Variants in NBEA observed in about 807,000 individuals in gnomAD.
NBEA encodes the protein neurobeachin.
In NBEA, 44 loss-of-function variants were observed where a neutral mutation model predicts 343.4. The ratio of observed to expected loss-of-function variants is 0.13; its 90% CI spans 0.10 to 0.16. The LOEUF (loss-of-function observed/expected upper bound fraction) is 0.16, where lower values mean the gene tolerates loss of function less well. Among genes scored for constraint, NBEA ranks in the 10% least tolerant of loss-of-function variants. The pLI, the probability that NBEA is intolerant of heterozygous loss-of-function variation, is 1.00. For synonymous variants in NBEA, 1,175 were observed against 1,238.7 expected, an observed-to-expected ratio of 0.95 and a Z score of 1.08; for missense variants, 2,555 against 3,631.3, an observed-to-expected ratio of 0.70 and a Z score of 7.62.
intron 36 of NBEA, among the ~76,000 whole-genome samples, chr13:35,317,112 T>G (rs1395363828): frequency 1.3e-5 from 2 of 152,222 alleles, no homozygotes; most frequent in Non-Finnish European, 2.9e-5. Flanking sequence ...CTCATTAGTT[T>G]CCTTAGATCC....
chr13:35,211,818 T>A (rs1429730842), intron 33 of NBEA, among the ~76,000 whole-genome samples: 1 of 151,878 alleles, frequency 6.6e-6, no homozygotes, highest in Non-Finnish European at 1.5e-5. Flanking sequence ...AGACTGCATC[T>A]CAAATAAATA....
intron 5 of NBEA, 94 bp from the exon 6 acceptor site, chr13:35,050,175 A>G: frequency 1.7e-6 from 2 of 1,201,106 alleles, no homozygotes; most frequent in South Asian, 3.4e-5. Flanking sequence ...TGTACAGGGA[A>G]ATAAGTTTTA....
At position 35,211,159 on chromosome 13, in the gene NBEA, A is replaced by G; in HGVS notation, c.5628A>G (p.Glu1876=). The G allele has an allele frequency of 1.9e-6, 3 of 1,554,772 alleles. No individual in the cohort carries two copies. The highest frequency in any genetic ancestry group is 2.6e-6 in the Non-Finnish European group (3 of 1,148,042). ...TACAAACTGTTGCTCCAATGCCAGA[A>G]GATTCAGCTGAAAATATGAGGTATG... is the stretch of plus-strand genomic sequence containing the variant. ...PAVQTVAPMP[E]DSAENMSITA... The change falls in exon 33 of 59, where the codon GAA becomes GAG. Residue 1876 remains glutamate, a synonymous_variant. Transcript: ENST00000379939.
chr13:35,194,532 C>T (rs1324467809), intron 30 of NBEA, among the ~76,000 whole-genome samples: 1 of 152,070 alleles, frequency 6.6e-6, no homozygotes, highest in East Asian at 1.9e-4. Flanking sequence ...ATGAAACTTT[C>T]AAACTTAAAT....
intron 25 of NBEA, among the ~76,000 whole-genome samples, chr13:35,170,852 G>A (rs1371593499): frequency 1.3e-5 from 2 of 151,534 alleles, no homozygotes; most frequent in Non-Finnish European, 3.0e-5. Context: ...ACATCTATAG[G>A]AAAGAAAAAT....
At chr13:35,045,256 T>C (rs754913395) in intron 3 of NBEA, 50 bp from the exon 4 acceptor site, 7 of 1,470,266 alleles carry the variant, frequency 4.8e-6, no homozygotes, top group Non-Finnish European at 6.5e-6. Flanking sequence ...ATATTAAGTA[T>C]GATTGCTAAA....
At chr13:35,118,011 A>T (rs1185527313) in intron 14 of NBEA, among the ~76,000 whole-genome samples, 5 of 152,004 alleles carry the variant, frequency 3.3e-5, no homozygotes, top group Admixed American at 2.6e-4. Context: ...ATGTCAATCA[A>T]ATACTAATGA....
intron 11 of NBEA, among the ~76,000 whole-genome samples, chr13:35,105,486 A>G (rs2065875465): frequency 6.6e-6 from 1 of 152,070 alleles, no homozygotes; most frequent in Non-Finnish European, 1.5e-5. Context: ...CTTTGAGGTC[A>G]CAAGGCTGCC....
chr13:35,538,211 G>T (rs1216506874), intron 41 of NBEA, among the ~76,000 whole-genome samples: 1 of 152,148 alleles, frequency 6.6e-6, no homozygotes, highest in Non-Finnish European at 1.5e-5. Context: ...CTGGGGATGG[G>T]ATCCAGGTCT....
intron 55 of NBEA, among the ~76,000 whole-genome samples, chr13:35,664,152 A>T (rs989873079): frequency 1.3e-5 from 2 of 152,174 alleles, no homozygotes; most frequent in African/African-American, 2.4e-5. Flanking sequence ...GCTAGCCAGC[A>T]CCCAGAGGTC....
intron 48 of NBEA, among the ~76,000 whole-genome samples, chr13:35,615,452 T>C (rs1404531154): frequency 1.3e-5 from 2 of 152,080 alleles, no homozygotes; most frequent in African/African-American, 4.8e-5. Flanking sequence ...CAAGTGATTC[T>C]CCTGCCTCAC....
At chr13:35,344,539 A>C (rs1414329632) in intron 36 of NBEA, among the ~76,000 whole-genome samples, 2 of 152,026 alleles carry the variant, frequency 1.3e-5, no homozygotes, top group East Asian at 3.9e-4. Context: ...GAACAAAATA[A>C]AACAACACAA....
In NBEA at chr13:35,414,490, C is replaced by T. The variant is rs547095779; in HGVS notation, c.6180-17779C>T. The stretch of plus-strand genomic sequence containing the variant: ...GTGAGAACATGTGGTGGTTGGTTTT[C>T]GGTCCTTGCGATAGTTTGCTCAGAA... On this transcript the variant is annotated intron_variant, in intron 38 of 58. Transcript: ENST00000379939. 4.6e-3 allele frequency among the ~76,000 whole-genome samples: 694 copies of T among 151,672 alleles called. 1 individual carries two copies. The highest frequency in any genetic ancestry group is 5.4e-3 in the Non-Finnish European group (364 of 67,906).
At chr13:35,169,919 G>T (rs2070334676) in intron 25 of NBEA, among the ~76,000 whole-genome samples, 1 of 151,738 alleles carries the variant, frequency 6.6e-6, no homozygotes, top group Non-Finnish European at 1.5e-5. Context: ...TATGCCATGT[G>T]TACTGAATTG....
intron 1 of NBEA, among the ~76,000 whole-genome samples, chr13:35,000,156 G>T (rs2152523642): frequency 6.6e-6 from 1 of 152,144 alleles, no homozygotes; most frequent in African/African-American, 2.4e-5. Flanking sequence ...GGCATACAGG[G>T]ACTCAGAAAC....
intron 10 of NBEA, among the ~76,000 whole-genome samples, chr13:35,075,542 A>T (rs1460317437): frequency 1.3e-5 from 2 of 152,102 alleles, no homozygotes; most frequent in East Asian, 1.9e-4. Context: ...ATGGAATGTA[A>T]GAAATAAAAG....
At chr13:35,221,003 A>G (rs2074333252) in intron 33 of NBEA, among the ~76,000 whole-genome samples, 2 of 151,948 alleles carry the variant, frequency 1.3e-5, no homozygotes, top group Admixed American at 6.6e-5. Context: ...TCAGTTCTTA[A>G]TTTCAAGTTT....
intron 16 of NBEA, among the ~76,000 whole-genome samples, chr13:35,121,791 C>G (rs550088227): frequency 6.6e-6 from 1 of 152,126 alleles, no homozygotes; most frequent in Admixed American, 6.5e-5. Flanking sequence ...TATTTGTTCC[C>G]CTTTGTATCA....
At chr13:35,434,210 A>T (rs1294738471) in intron 39 of NBEA, among the ~76,000 whole-genome samples, 4 of 152,182 alleles carry the variant, frequency 2.6e-5, no homozygotes, top group African/African-American at 7.2e-5. Context: ...AAATCTTTGA[A>T]TAAAATCTTT....
Sources: allele counts gnomAD v4.1 joint callset (sites outside exome capture counted in the v4.1 genomes callset), GRCh38; gene constraint gnomAD v4.1.1; transcripts MANE v1.5; gene names NCBI Gene and HGNC (gene_info 2026-07-23, HGNC 2026-07-21).